Variants in SUPT5H observed in about 807,000 individuals in gnomAD.
The protein encoded by SUPT5H is SPT5 homolog, DSIF elongation factor subunit.
A neutral mutation model predicts 142.5 loss-of-function variants in SUPT5H; 24 were observed. The ratio of observed to expected loss-of-function variants is 0.17; its 90% confidence interval spans 0.12 to 0.24. The LOEUF (loss-of-function observed/expected upper bound fraction) is 0.24. SUPT5H is among the 10% of genes least tolerant of loss of function. The pLI is 1.00. For synonymous variants in SUPT5H, 546 were observed against 553.0 expected, an observed-to-expected ratio of 0.99 and a Z score of 0.18; for missense variants, 893 against 1,471.8, an observed-to-expected ratio of 0.61 and a Z score of 6.43.
chr19:39,465,170 A>G, intron 11 of SUPT5H, 121 bp downstream of exon 11: 1 of 1,411,214 alleles, frequency 7.1e-7, no homozygotes, highest in Non-Finnish European at 9.6e-7. Context: ...GATGAGTTGA[A>G]GCAGAGCCTG....
At position 39,458,892 on chromosome 19, in the gene SUPT5H, G is replaced by A; in HGVS notation, c.389+5G>A. On this transcript the variant is annotated splice_donor_5th_base_variant and intron_variant, in intron 6 of 29. Coordinates refer to ENST00000432763, the MANE Select transcript of SUPT5H (RefSeq NM_001111020.3). This position sits in a 1 kb window ranked among gnomAD's most constrained non-coding sequence, Gnocchi z 4.2. Reference sequence around the variant, plus strand: ...CCGCCTGCAAAACCTCTGGAGGTGGGCAAGGAAGGGAAACGTGGTGGGATT... The same window carrying A: ...CCGCCTGCAAAACCTCTGGAGGTGGACAAGGAAGGGAAACGTGGTGGGATT... The A allele has an allele frequency of 6.2e-7, 1 of 1,613,782 alleles. No individual in the cohort carries two copies. The highest frequency in any genetic ancestry group is 2.2e-5 in the East Asian group (1 of 44,876).
rs2079233413 is a variant in SUPT5H at position 39,466,217 on chromosome 19, G to A, written c.877-263G>A. ...TGGAGTGGGAGGCGGCAGGTTTGGGGGAATCAGCGGTTTGGCTGCGGTCGT... is the reference window on the plus strand; with the variant it reads ...TGGAGTGGGAGGCGGCAGGTTTGGGAGAATCAGCGGTTTGGCTGCGGTCGT... On this transcript the variant is annotated intron_variant, in intron 11 of 29. Transcript: ENST00000432763. The surrounding 1 kb of genome is among the most constrained non-coding windows in gnomAD (Gnocchi z 4.3). Among the ~76,000 whole-genome samples the A allele has an allele frequency of 6.6e-6, 1 of 152,098 alleles. No homozygotes were observed. The highest frequency in any genetic ancestry group is 2.4e-5 in the African/African-American group (1 of 41,428).
Position 39,474,583 on chromosome 19 carries a change from C to T in SUPT5H, c.2889C>T (p.Tyr963=), listed in dbSNP as rs775817523. ...MTPGAPSPGG[Y]NPHTPGSGIE... is the part of the protein sequence containing the mutation. ...CTGGAGCTCCCTCCCCTGGTGGCTA[C>T]AACCCACACACGCCAGGCTCAGGCA... is the stretch of plus-strand genomic sequence containing the variant. Residue 963 remains tyrosine (Y), a synonymous_variant, in exon 28 of 30, where the codon TAC becomes TAT. Transcript: ENST00000432763. This position sits in a 1 kb window ranked among gnomAD's most constrained non-coding sequence, Gnocchi z 6.5. The T allele has an allele frequency of 1.2e-6, 2 of 1,614,258 alleles. No homozygotes were observed. The highest frequency in any genetic ancestry group is 1.3e-5 in the African/African-American group (1 of 75,066).
chr19:39,459,517 A>G, intron 8 of SUPT5H, 42 bp from the exon 9 acceptor site: 1 of 1,612,236 alleles, frequency 6.2e-7, no homozygotes, highest in Non-Finnish European at 8.5e-7. Context: ...GTTACTGAAG[A>G]TCCAGCTTCA....
chr19:39,465,047 C>A lies in SUPT5H; in HGVS notation c.874C>A (p.Gln292Lys). ...GGGCATCTACAAGGATGACATTGCT[C>A]AGGTGCCCGGGGCGGGGTGGCATGG... ...KRGIYKDDIA[Q>K]VDYVEPSQNT... Residue 292 changes from glutamine to lysine, a missense_variant and splice_region_variant, in exon 11 of 30, where the codon CAG becomes AAG. This residue lies in a region of SUPT5H where 428 missense variants were observed against 763.5 expected (regional missense o/e 0.56). Transcript: ENST00000432763. 1.2e-6 allele frequency: 2 copies of A among 1,611,166 alleles called. No individual in the cohort carries two copies. The highest frequency in any genetic ancestry group is 1.7e-6 in the Non-Finnish European group (2 of 1,177,622).
chr19:39,471,724 C>A lies in SUPT5H; in HGVS notation c.1944C>A (p.Gly648=). Reference sequence around the variant, plus strand: ...CCCGCCACCTGGTGCTGGCTGGGGGCTCAAAGGTGAGGTGGGCATGGCAGG... The same window carrying A: ...CCCGCCACCTGGTGCTGGCTGGGGGATCAAAGGTGAGGTGGGCATGGCAGG... The part of the protein sequence containing the change: ...CKTRHLVLAG[G]SKPRDVTNFT... Residue 648 remains glycine, a synonymous_variant, in exon 20 of 30, where the codon GGC becomes GGA. Transcript: ENST00000432763. 1 of 1,613,570 alleles carries A rather than the reference C, an allele frequency of 6.2e-7. No homozygotes were observed. Among genetic ancestry groups the A allele is most frequent in the Non-Finnish European group, 8.5e-7 (1 of 1,179,732 alleles).
At chr19:39,454,356 GTTTTT>G (rs869183044) in intron 3 of SUPT5H, among the ~76,000 whole-genome samples, 1 of 26,174 alleles carries the variant, frequency 3.8e-5, no homozygotes, top group Non-Finnish European at 6.7e-5. Context: ...TGTTGTCGTT[GTTTTT>G]TTTTTTTTTT....
chr19:39,461,250 A>G (rs955471785), intron 10 of SUPT5H, among the ~76,000 whole-genome samples: 5 of 151,830 alleles, frequency 3.3e-5, no homozygotes, highest in South Asian at 2.1e-4. Context: ...AGACTGCGCT[A>G]TTGCACTCCA....
At chr19:39,468,343 G>A (rs549814209) in intron 13 of SUPT5H, 3 of 216,340 alleles carry the variant, frequency 1.4e-5, no homozygotes, top group East Asian at 1.2e-4. Flanking sequence ...CAGGCTGAGC[G>A]CTCTGCGAAT....
chr19:39,445,686 A>C (rs2078943489), intron 1 of SUPT5H, 49 bp downstream of exon 1: 7 of 621,432 alleles, frequency 1.1e-5, no homozygotes, highest in Non-Finnish European at 2.0e-5. Flanking sequence ...GGAGGTGTAG[A>C]GAACAGATTC....
rs113169927 is a variant in SUPT5H, at chr19:39,458,231, CCCACCACCACCACCACCACCACCACCA to C, written c.308-45_308-19del. The C allele has an allele frequency of 1.2e-5, 16 of 1,364,590 alleles. No homozygotes were observed. Among genetic ancestry groups the C allele is most frequent in the Admixed American group, 4.6e-5 (2 of 43,670 alleles). The allele number at this position is 1,364,590 out of a possible 1,614,324, so 84.5% of individuals were successfully genotyped here. ...TTGGCTCATACTTTGTCTGCCCTCG[CCCACCACCACCACCACCACCACCACCA>C]CCACCACCACCACCACCTCCTCTTC... On this transcript the variant is annotated intron_variant, in intron 4 of 29. Coordinates refer to ENST00000432763, the MANE Select transcript of SUPT5H (RefSeq NM_001111020.3). This position sits in a 1 kb window ranked among gnomAD's most constrained non-coding sequence, Gnocchi z 4.2.
chr19:39,461,456 G>A (rs1243513352), intron 10 of SUPT5H, among the ~76,000 whole-genome samples: 1 of 152,166 alleles, frequency 6.6e-6, no homozygotes, highest in Non-Finnish European at 1.5e-5. Context: ...AGTATTTTGG[G>A]AGGCTGAGGC....
chr19:39,454,757 G>A (rs368843844), intron 3 of SUPT5H, among the ~76,000 whole-genome samples: 11 of 152,286 alleles, frequency 7.2e-5, no homozygotes, highest in Middle Eastern at 3.4e-3. Flanking sequence ...CTTACCTATG[G>A]GAAGAGGGGT....
Position 39,474,877 on chromosome 19 carries a change from C to T in SUPT5H, c.3024+159C>T. The T allele has an allele frequency of 1.3e-6, 1 of 779,122 alleles. No homozygotes were observed. The highest frequency in any genetic ancestry group is 1.7e-5 in the African/African-American group (1 of 57,316). The allele number at this position is 779,122 out of a possible 1,614,324, so 48.3% of individuals were successfully genotyped here. On this transcript the variant is annotated intron_variant, in intron 28 of 29. Transcript: ENST00000432763. The surrounding 1 kb of genome is among the most constrained non-coding windows in gnomAD (Gnocchi z 6.5). The stretch of plus-strand genomic sequence containing the variant: ...GGGAGCTATGTGAACCCAAAGGAGG[C>T]ATCTTACCTGATTTAGCGGGGAATC...
chr19:39,464,737 T>A (rs2079211864), intron 10 of SUPT5H, 61 bp from the exon 11 acceptor site: 1 of 1,535,546 alleles, frequency 6.5e-7, no homozygotes, highest in South Asian at 1.3e-5. Context: ...TGAGTGGCAG[T>A]CATTTCTGTT....
chr19:39,459,672 G>C, intron 9 of SUPT5H, 83 bp downstream of exon 9: 1 of 1,556,428 alleles, frequency 6.4e-7, no homozygotes, highest in South Asian at 1.1e-5. Flanking sequence ...TGTCTGTCCC[G>C]GGTCTCCGTG....
In SUPT5H at chr19:39,472,996, T is replaced by A. The variant is rs1269038888; in HGVS notation, c.2156-16T>A. 1 of 1,612,932 alleles carries A rather than the reference T, an allele frequency of 6.2e-7. No homozygotes were observed. The highest frequency in any genetic ancestry group is 8.5e-7 in the Non-Finnish European group (1 of 1,179,262). On this transcript the variant is annotated splice_polypyrimidine_tract_variant and intron_variant, in intron 22 of 29. Transcript: ENST00000432763. The surrounding 1 kb of genome is among the most constrained non-coding windows in gnomAD (Gnocchi z 4.2). The stretch of plus-strand genomic sequence containing the variant: ...GAAGGAGAGCCTGCCCAGCCTGACC[T>A]CCTGTCCCCCTGCAGGCTACATCGG...
chr19:39,454,696 A>C (rs896654280), intron 3 of SUPT5H, among the ~76,000 whole-genome samples: 1 of 152,218 alleles, frequency 6.6e-6, no homozygotes, highest in Non-Finnish European at 1.5e-5. Context: ...GTTCCTAAAA[A>C]GATAAGACTA....
At chr19:39,464,709 T>G in intron 10 of SUPT5H, 89 bp from the exon 11 acceptor site, 1 of 1,510,088 alleles carries the variant, frequency 6.6e-7, no homozygotes. Flanking sequence ...AATAAATTCC[T>G]AGAAGAGGGA....
Sources: allele counts gnomAD v4.1 joint callset (sites outside exome capture counted in the v4.1 genomes callset), GRCh38; gene constraint gnomAD v4.1.1; regional missense constraint gnomAD v4.1.1; non-coding constraint Gnocchi (gnomAD v3.1); transcripts MANE v1.5; gene names NCBI Gene and HGNC (gene_info 2026-07-23, HGNC 2026-07-21).